The following CCDC171 variants were observed in gnomAD, a reference collection of about 807,000 sequenced individuals.
CCDC171 encodes coiled-coil domain-containing protein 171.
In CCDC171, 177 loss-of-function variants were observed where a neutral mutation model predicts 168.2. The observed-to-expected ratio is 1.05, with a 90% confidence interval of 0.93 to 1.19. CCDC171 has a LOEUF of 1.19. Among genes scored for constraint, CCDC171 ranks in the 50% most tolerant of loss-of-function variants. CCDC171 has a pLI of 0.00. For synonymous variants in CCDC171, 687 were observed against 540.8 expected, an observed-to-expected ratio of 1.27 and a Z score of -3.75; for missense variants, 1,991 against 1,539.0, an observed-to-expected ratio of 1.29 and a Z score of -4.91.
intron 7 of CCDC171, among the ~76,000 whole-genome samples, chr9:15,649,475 G>T (rs1409026114): frequency 1.3e-5 from 2 of 151,992 alleles, no homozygotes; most frequent in Admixed American, 6.6e-5. Context: ...TACAGAATGG[G>T]AGAAAATTTT....
chr9:15,711,468 T>C (rs2052658659), intron 11 of CCDC171, among the ~76,000 whole-genome samples: 1 of 152,208 alleles, frequency 6.6e-6, no homozygotes, highest in Non-Finnish European at 1.5e-5. Context: ...ACTAGGCTTG[T>C]TCTTATTATT....
At chr9:16,066,627 A>G (rs1290374533), downstream of CCDC171, among the ~76,000 whole-genome samples, 11 of 110,740 alleles carry the variant, frequency 9.9e-5, no homozygotes, top group Admixed American at 9.9e-4. Context: ...CCACCCCACA[A>G]CAGTCCCCAG....
intron 25 of CCDC171, among the ~76,000 whole-genome samples, chr9:15,939,091 C>T (rs1191056806): frequency 4.2e-5 from 6 of 143,412 alleles, no homozygotes; most frequent in Non-Finnish European, 9.2e-5. Context: ...ATAATATAAC[C>T]TTTTTTTTTT....
chr9:15,647,231 C>G (rs1250627723), intron 7 of CCDC171, among the ~76,000 whole-genome samples: 1 of 152,094 alleles, frequency 6.6e-6, no homozygotes, highest in Non-Finnish European at 1.5e-5. Flanking sequence ...ATACCAGAAT[C>G]TCTGGGACAC....
At chr9:15,641,339 C>T (rs1418675847) in intron 7 of CCDC171, among the ~76,000 whole-genome samples, 1 of 152,116 alleles carries the variant, frequency 6.6e-6, no homozygotes, top group African/African-American at 2.4e-5. Context: ...TTTCATATCT[C>T]AGTTTTTCTT....
chr9:15,584,189 T>C (rs2041373527), intron 4 of CCDC171, among the ~76,000 whole-genome samples: 1 of 152,188 alleles, frequency 6.6e-6, no homozygotes, highest in Non-Finnish European at 1.5e-5. Context: ...ATTTTGTAAC[T>C]GTTAAGATCC....
At chr9:15,849,427 A>C (rs968998609) in intron 23 of CCDC171, among the ~76,000 whole-genome samples, 3 of 151,368 alleles carry the variant, frequency 2.0e-5, no homozygotes, top group Non-Finnish European at 4.4e-5. Context: ...TATATTCTTA[A>C]AGTAGAAATT....
At chr9:16,002,931 T>G (rs1335721306) in intron 3 of CCDC171, among the ~76,000 whole-genome samples, 1 of 152,242 alleles carries the variant, frequency 6.6e-6, no homozygotes, top group Non-Finnish European at 1.5e-5. Flanking sequence ...CTACACTACA[T>G]AGCCTAGATG....
chr9:15,794,692 A>G (rs1285380420), intron 21 of CCDC171, among the ~76,000 whole-genome samples: 2 of 152,174 alleles, frequency 1.3e-5, no homozygotes, highest in East Asian at 3.8e-4. Flanking sequence ...CCAAAGAACA[A>G]CATGTGATAC....
At chr9:15,976,568 A>G (rs981410731), downstream of CCDC171, among the ~76,000 whole-genome samples, 6 of 152,016 alleles carry the variant, frequency 3.9e-5, 1 homozygote, top group East Asian at 1.2e-3. Context: ...TGGTTGGCAT[A>G]TTTTAATAGC....
At chr9:16,048,066 G>C (rs931204510) in intron 1 of CCDC171, among the ~76,000 whole-genome samples, 1 of 152,220 alleles carries the variant, frequency 6.6e-6, no homozygotes, top group Non-Finnish European at 1.5e-5. Context: ...CAGTGGAAAT[G>C]CACAGGCAGA....
intron 21 of CCDC171, among the ~76,000 whole-genome samples, chr9:15,822,520 C>G (rs76680143): frequency 6.6e-6 from 1 of 151,714 alleles, no homozygotes; most frequent in Non-Finnish European, 1.5e-5. Context: ...AACAAGTGGG[C>G]GAAGGATATG....
intron 6 of CCDC171, among the ~76,000 whole-genome samples, chr9:15,599,436 G>A (rs2042651927): frequency 6.6e-6 from 1 of 152,068 alleles, no homozygotes; most frequent in Admixed American, 6.5e-5. Flanking sequence ...ATGAAATTCT[G>A]GGTTGAAAAT....
chr9:16,028,235 T>G (rs1245538017), intron 6 of CCDC171, among the ~76,000 whole-genome samples: 1 of 152,194 alleles, frequency 6.6e-6, no homozygotes, highest in Non-Finnish European at 1.5e-5. Flanking sequence ...GCCATGGAGC[T>G]ATTGGAAGCT....
intron 23 of CCDC171, among the ~76,000 whole-genome samples, chr9:15,856,853 C>T (rs2061365860): frequency 6.6e-6 from 1 of 152,022 alleles, no homozygotes; most frequent in Admixed American, 6.6e-5. Flanking sequence ...AGTTTCTCCA[C>T]ATCTTTGCCA....
intron 3 of CCDC171, among the ~76,000 whole-genome samples, chr9:15,574,431 C>G (rs182177654): frequency 2.0e-5 from 3 of 152,046 alleles, no homozygotes; most frequent in African/African-American, 7.2e-5. Flanking sequence ...GTGTGAGCCA[C>G]CGCGCCTGGC....
chr9:15,853,165 G>A (rs1330291885), intron 23 of CCDC171, among the ~76,000 whole-genome samples: 6 of 151,562 alleles, frequency 4.0e-5, no homozygotes, highest in African/African-American at 1.5e-4. Context: ...TCAATTTGGG[G>A]AGTATTGTCA....
chr9:15,963,959 C>T (rs750357015), intron 25 of CCDC171, among the ~76,000 whole-genome samples: 7 of 152,148 alleles, frequency 4.6e-5, no homozygotes, highest in Admixed American at 2.0e-4. Flanking sequence ...TGTCTGTAAA[C>T]GGAAGCAGTG....
intron 21 of CCDC171, among the ~76,000 whole-genome samples, chr9:15,793,211 T>C (rs540813371): frequency 7.9e-4 from 120 of 151,160 alleles, no homozygotes; most frequent in Non-Finnish European, 1.4e-3. Flanking sequence ...CCAACAAAGA[T>C]CAAAAGAGAC....
Sources: allele counts gnomAD v4.1 joint callset (sites outside exome capture counted in the v4.1 genomes callset), GRCh38; gene constraint gnomAD v4.1.1; transcripts MANE v1.5; gene names NCBI Gene and HGNC (gene_info 2026-07-23, HGNC 2026-07-21).